Variants in DNAJA4 observed in about 807,000 individuals in gnomAD.
DNAJA4 encodes the protein DnaJ heat shock protein family (Hsp40) member A4.
In DNAJA4, 32 loss-of-function variants were observed where a neutral mutation model predicts 39.7. That is an observed-to-expected ratio of 0.81 (90% CI 0.61 to 1.08). The LOEUF (loss-of-function observed/expected upper bound fraction) is 1.08. Ranked by LOEUF, DNAJA4 falls within the 50% of genes least tolerant of loss-of-function variation. The probability of loss-of-function intolerance (pLI) is 0.00; values close to 1 mark genes in which losing one functional copy is unlikely to be tolerated. For synonymous variants in DNAJA4, 184 were observed against 182.4 expected (o/e 1.01, Z -0.07); for missense variants, 439 against 505.1 (o/e 0.87, Z 1.25).
At chr15:78,274,810 G>T (rs1199259983) in intron 4 of DNAJA4, 4 of 265,730 alleles carry the variant, frequency 1.5e-5, no homozygotes, top group African/African-American at 6.7e-5. Flanking sequence ...AAGGGCTTGT[G>T]TAAGTGTTTG....
At chr15:78,273,262 G>C in intron 3 of DNAJA4, 63 bp downstream of exon 3, 1 of 989,162 alleles carries the variant, frequency 1.0e-6, no homozygotes, top group Admixed American at 1.9e-5. Context: ...AACAATGCTT[G>C]TTTTATAGTT....
chr15:78,276,442 A>G (rs1358067665), intron 5 of DNAJA4, among the ~76,000 whole-genome samples: 1 of 152,186 alleles, frequency 6.6e-6, no homozygotes, highest in African/African-American at 2.4e-5. Context: ...TGTAGACACC[A>G]GGGCACTCAT....
At chr15:78,264,430 T>C (rs1342055886), upstream of DNAJA4, 5 of 1,339,424 alleles carry the variant, frequency 3.7e-6, no homozygotes, top group African/African-American at 1.5e-5. Context: ...GCGTCGGGGG[T>C]CTGGGCCGCG....
chr15:78,270,926 A>T (rs2049276935), intron 2 of DNAJA4, among the ~76,000 whole-genome samples: 1 of 152,102 alleles, frequency 6.6e-6, no homozygotes, highest in African/African-American at 2.4e-5. Flanking sequence ...TTAGCCAGGC[A>T]TGGTGACTCA....
intron 5 of DNAJA4, chr15:78,277,725 A>G (rs1483279177): frequency 3.2e-6 from 1 of 317,376 alleles, no homozygotes; most frequent in Non-Finnish European, 6.1e-6. Context: ...ACCAAGAGCC[A>G]GCGTTCCTTG....
At chr15:78,270,729 CG>C (rs748922847) in intron 2 of DNAJA4, 52 bp downstream of exon 2, 1 of 1,571,188 alleles carries the variant, frequency 6.4e-7, no homozygotes, top group South Asian at 1.2e-5. Context: ...CACAATTATA[CG>C]TGTTGTTGGA....
At chr15:78,266,671 C>G (rs2049131637) in intron 1 of DNAJA4, among the ~76,000 whole-genome samples, 1 of 152,214 alleles carries the variant, frequency 6.6e-6, no homozygotes, top group African/African-American at 2.4e-5. Context: ...ACCACAGGCC[C>G]AACGTGCATC....
At chr15:78,277,983 G>A (rs1015527598) in intron 5 of DNAJA4, 3 of 453,128 alleles carry the variant, frequency 6.6e-6, no homozygotes, top group South Asian at 1.6e-5. Context: ...CCCCTCTTTT[G>A]TGTTGGCTTA....
intron 4 of DNAJA4, chr15:78,274,761 G>A (rs565311624): frequency 4.2e-5 from 15 of 355,784 alleles, no homozygotes; most frequent in African/African-American, 1.5e-4. Context: ...AGAATCTTTC[G>A]GAGTGTCTTC....
intron 5 of DNAJA4, among the ~76,000 whole-genome samples, chr15:78,276,403 T>TG (rs2141458863): frequency 6.6e-6 from 1 of 152,330 alleles, no homozygotes; most frequent in Admixed American, 6.5e-5. Flanking sequence ...AAAGGGTTCC[T>TG]GAGGCCTGAG....
intron 2 of DNAJA4, 21 bp downstream of exon 2, chr15:78,270,698 A>T (rs374716409): frequency 6.2e-7 from 1 of 1,607,362 alleles, no homozygotes; most frequent in Non-Finnish European, 8.5e-7. Context: ...TTAAAGAAAC[A>T]TAAATAAGTT....
chr15:78,270,753 C>T, intron 2 of DNAJA4, 76 bp downstream of exon 2: 1 of 1,510,218 alleles, frequency 6.6e-7, no homozygotes, highest in East Asian at 2.3e-5. Flanking sequence ...CAGGATAGAT[C>T]ATGCTTTAAA....
chr15:78,267,929 C>G (rs2049187942), intron 1 of DNAJA4, among the ~76,000 whole-genome samples: 1 of 152,190 alleles, frequency 6.6e-6, no homozygotes, highest in African/African-American at 2.4e-5. Context: ...GTCTGAAAGG[C>G]AAGCTCATCA....
At chr15:78,264,265 T>G (rs1162591320), upstream of DNAJA4, 10 of 1,264,252 alleles carry the variant, frequency 7.9e-6, no homozygotes, top group Non-Finnish European at 1.0e-5. Context: ...GGCGGGACAG[T>G]TGTCGGAGGG....
chr15:78,273,335 C>T (rs1483328936), intron 3 of DNAJA4, 136 bp downstream of exon 3: 4 of 631,342 alleles, frequency 6.3e-6, no homozygotes, highest in East Asian at 6.0e-5. Context: ...AACAGGTGGC[C>T]TGAGGGCCAC....
rs1160175252 is a variant in DNAJA4 at position 78,280,125 on chromosome 15, A to G, written c.958A>G (p.Ile320Val). 1.2e-6 allele frequency: 2 copies of G among 1,614,088 alleles called. No homozygotes were observed. The highest frequency in any genetic ancestry group is 1.7e-6 in the Non-Finnish European group (2 of 1,180,016). The stretch of plus-strand genomic sequence containing the variant: ...CTACAAAGCACCCCTGGAAAAAGGG[A>G]TTCTGATCATACAGTTTTTAGTAAG... ...PIYKAPLEKG[I>V]LIIQFLVIFP... is the part of the protein sequence containing the mutation. The change falls in exon 6 of 7, where the codon ATT becomes GTT. Residue 320 changes from isoleucine (I) to valine (V), a missense_variant. Physicochemically the swap from Ile to Val is conservative, Grantham distance 29 (BLOSUM62 3). Transcript: ENST00000394852.
chr15:78,271,316 G>A (rs775713840), intron 2 of DNAJA4, among the ~76,000 whole-genome samples: 67 of 152,208 alleles, frequency 4.4e-4, no homozygotes, highest in Middle Eastern at 3.4e-3. Flanking sequence ...TGTAGATGAC[G>A]CCGCCTGTGG....
Position 78,273,090 on chromosome 15 carries a change from C to G in DNAJA4, c.314-5C>G. 1 of 1,557,374 alleles carries G rather than the reference C, an allele frequency of 6.4e-7. No individual in the cohort carries two copies. Among genetic ancestry groups the G allele is most frequent in the Non-Finnish European group, 8.8e-7 (1 of 1,133,478 alleles). On this transcript the variant is annotated splice_polypyrimidine_tract_variant and splice_region_variant and intron_variant, in intron 2 of 6. Transcript: ENST00000394852. ...CGCCACTAATTTTTTTTCTCCCTTG[C>G]TAAGGCAAGAATGTTGTACACCAGT...
At position 78,280,345 on chromosome 15, in the gene DNAJA4, A is replaced by T. The variant is rs754627028; in HGVS notation, c.1079A>T (p.Asp360Val). The change falls in exon 7 of 7, where the codon GAT becomes GTT. Residue 360 changes from aspartate (D) to valine (V), a missense_variant. Transcript: ENST00000394852. Reference protein sequence around the residue: ...RQKVRITDDMDQVELKEFCPN... With the variant: ...RQKVRITDDMVQVELKEFCPN... The stretch of plus-strand genomic sequence containing the variant: ...AAAGTGAGGATTACAGATGACATGG[A>T]TCAGGTGGAGCTGAAGGAGTTTTGT... 73 of 1,614,118 alleles carry T rather than the reference A, an allele frequency of 4.5e-5. No homozygotes were observed. The highest frequency in any genetic ancestry group is 6.1e-5 in the Non-Finnish European group (72 of 1,180,050).
Sources: allele counts gnomAD v4.1 joint callset (sites outside exome capture counted in the v4.1 genomes callset), GRCh38; gene constraint gnomAD v4.1.1; transcripts MANE v1.5; gene names NCBI Gene and HGNC (gene_info 2026-07-23, HGNC 2026-07-21).